The following UNC5D variants were observed in gnomAD, a reference collection of about 807,000 sequenced individuals.
The protein encoded by UNC5D is netrin receptor UNC5D.
In UNC5D, 39 loss-of-function variants were observed where a neutral mutation model predicts 105.4. The ratio of observed to expected loss-of-function variants is 0.37; its 90% CI spans 0.29 to 0.48. UNC5D has a LOEUF of 0.48. Among genes scored for constraint, UNC5D ranks in the 20% least tolerant of loss-of-function variants. The probability of loss-of-function intolerance (pLI) is 0.98; values close to 1 mark genes in which losing one functional copy is unlikely to be tolerated. For missense variants in UNC5D, 991 were observed against 1,202.4 expected (o/e 0.82, Z 2.60); for synonymous variants, 452 against 450.4 (o/e 1.00, Z -0.04).
chr8:35,712,157 G>C (rs1383378679), intron 8 of UNC5D, among the ~76,000 whole-genome samples: 1 of 152,044 alleles, frequency 6.6e-6, no homozygotes, highest in Non-Finnish European at 1.5e-5. Flanking sequence ...TGCTGTCCCA[G>C]CTACTCGGGA....
At chr8:35,726,113 T>A in intron 9 of UNC5D, 39 bp from the exon 10 acceptor site, 1 of 1,578,022 alleles carries the variant, frequency 6.3e-7, no homozygotes, top group African/African-American at 1.4e-5. Flanking sequence ...CTGAGATGCC[T>A]TTTAGTTTCT....
intron 7 of UNC5D, among the ~76,000 whole-genome samples, chr8:35,688,956 A>C (rs1453511595): frequency 6.6e-6 from 1 of 152,244 alleles, no homozygotes; most frequent in East Asian, 1.9e-4. Context: ...ACATCTGGTC[A>C]ATTTTATGTG....
At chr8:35,271,704 C>A (rs201153532) in intron 1 of UNC5D, among the ~76,000 whole-genome samples, 1 of 38,764 alleles carries the variant, frequency 2.6e-5, no homozygotes, top group African/African-American at 9.1e-5. Flanking sequence ...TACATGTATA[C>A]ATATATATTT....
intron 13 of UNC5D, among the ~76,000 whole-genome samples, chr8:35,755,008 T>C (rs772771898): frequency 3.0e-4 from 46 of 152,188 alleles, no homozygotes; most frequent in Admixed American, 2.6e-4. Context: ...TTCTTGCTTT[T>C]GTGTTTTTGT....
intron 1 of UNC5D, among the ~76,000 whole-genome samples, chr8:35,407,409 T>C (rs769521763): frequency 3.9e-5 from 6 of 152,146 alleles, no homozygotes; most frequent in Non-Finnish European, 5.9e-5. Context: ...TCTGGTCATA[T>C]ATTTTGCAAA....
chr8:35,725,847 T>C (rs1828829953), intron 9 of UNC5D, among the ~76,000 whole-genome samples: 1 of 152,198 alleles, frequency 6.6e-6, no homozygotes, highest in African/African-American at 2.4e-5. Context: ...TAAACAATAA[T>C]ACCTGAGTTC....
At chr8:35,652,050 TAC>T (rs1438039086) in intron 4 of UNC5D, among the ~76,000 whole-genome samples, 2 of 152,204 alleles carry the variant, frequency 1.3e-5, no homozygotes, top group African/African-American at 2.4e-5. Flanking sequence ...AGTTTGGGCA[TAC>T]CCTAACTTGC....
chr8:35,272,183 A>G (rs545908485), intron 1 of UNC5D, among the ~76,000 whole-genome samples: 1 of 152,324 alleles, frequency 6.6e-6, no homozygotes, highest in East Asian at 1.9e-4. Context: ...GGAGCCCCAA[A>G]CAAAACTGAA....
chr8:35,615,396 C>T (rs909907918), intron 4 of UNC5D, among the ~76,000 whole-genome samples: 1 of 152,172 alleles, frequency 6.6e-6, no homozygotes, highest in African/African-American at 2.4e-5. Flanking sequence ...TCCTTGCCCT[C>T]ATCCATCTGT....
At chr8:35,751,312 A>T (rs1830270965) in intron 13 of UNC5D, among the ~76,000 whole-genome samples, 1 of 152,166 alleles carries the variant, frequency 6.6e-6, no homozygotes, top group Admixed American at 6.5e-5. Flanking sequence ...TTACAATAGC[A>T]ATGTTATCCC....
At chr8:35,447,398 T>C (rs2128988373) in intron 1 of UNC5D, among the ~76,000 whole-genome samples, 1 of 152,206 alleles carries the variant, frequency 6.6e-6, no homozygotes, top group Middle Eastern at 3.4e-3. Context: ...GAGGTTCTGA[T>C]TATAAAATTT....
At chr8:35,745,046 C>T (rs1829936142) in intron 11 of UNC5D, among the ~76,000 whole-genome samples, 1 of 151,010 alleles carries the variant, frequency 6.6e-6, no homozygotes, top group Admixed American at 6.6e-5. Flanking sequence ...AAGAGCAAAA[C>T]TCTGTCTCAA....
intron 1 of UNC5D, among the ~76,000 whole-genome samples, chr8:35,473,819 G>A (rs558751529): frequency 2.6e-5 from 4 of 152,306 alleles, no homozygotes; most frequent in African/African-American, 9.6e-5. Context: ...GAATATGTGA[G>A]CCTGGCTAAT....
At chr8:35,521,533 T>G (rs531457657) in intron 1 of UNC5D, among the ~76,000 whole-genome samples, 199 of 152,316 alleles carry the variant, frequency 1.3e-3, no homozygotes, top group African/African-American at 4.5e-3. Flanking sequence ...GATTAACTAA[T>G]GTAGAAGTGC....
intron 4 of UNC5D, among the ~76,000 whole-genome samples, chr8:35,623,198 A>G (rs1821464972): frequency 6.6e-6 from 1 of 152,102 alleles, no homozygotes; most frequent in Admixed American, 6.5e-5. Flanking sequence ...GTTCTCTGCC[A>G]CGGCTATCAG....
At chr8:35,358,910 AT>A (rs1801707460) in intron 1 of UNC5D, among the ~76,000 whole-genome samples, 1 of 152,222 alleles carries the variant, frequency 6.6e-6, no homozygotes, top group Non-Finnish European at 1.5e-5. Flanking sequence ...GGGTTTTTAT[AT>A]GAATGAGTTA....
rs138324334 is a variant in UNC5D at position 35,673,264 on chromosome 8, C to G, written c.571-10283C>G. Reference sequence around the variant, plus strand: ...ATATTATCAAGGAGAGAGGAGAGGACAGGTGACATCTAATCTGAAAGTGGT... The same window carrying G: ...ATATTATCAAGGAGAGAGGAGAGGAGAGGTGACATCTAATCTGAAAGTGGT... On this transcript the variant is annotated intron_variant, in intron 4 of 16. Transcript: ENST00000404895. Among the ~76,000 whole-genome samples the G allele has an allele frequency of 1.3e-3, 196 of 152,268 alleles. 1 individual carries two copies. Among genetic ancestry groups the G allele is most frequent in the African/African-American group, 4.5e-3 (189 of 41,556 alleles).
Position 35,437,861 on chromosome 8 carries a change from A to ATT in UNC5D, c.104-111420_104-111419dup, listed in dbSNP as rs201801703. Reference sequence around the variant, plus strand: ...CAATTGGATTTCTTCTGAGCGGTTGATTTTTTTTTTTTGTCTTACTGATAT... The same window carrying ATT: ...CAATTGGATTTCTTCTGAGCGGTTGATTTTTTTTTTTTTTGTCTTACTGATAT... On this transcript the variant is annotated intron_variant, in intron 1 of 16. Coordinates refer to ENST00000404895, the MANE Select transcript of UNC5D (RefSeq NM_080872.4). Among the ~76,000 whole-genome samples, 426 of 144,050 alleles carry ATT rather than the reference A, an allele frequency of 3.0e-3. 2 individuals are homozygous for ATT. Among genetic ancestry groups the ATT allele is most frequent in the Admixed American group, 6.1e-3 (88 of 14,374 alleles). The allele number at this position is 144,050 out of a possible 152,430, so 94.5% of individuals were successfully genotyped here.
At chr8:35,595,765 G>A in intron 4 of UNC5D, 108 bp downstream of exon 4, 1 of 919,392 alleles carries the variant, frequency 1.1e-6, no homozygotes. Flanking sequence ...CCATGTCTGG[G>A]ATTCTTGTTG....
Sources: gnomAD v4.1 joint callset for allele counts (sites outside exome capture counted in the v4.1 genomes callset) on GRCh38, gnomAD v4.1.1 for gene constraint, MANE v1.5 for transcripts, NCBI Gene and HGNC (gene_info 2026-07-23, HGNC 2026-07-21) for gene names.